Variants in CRPPA observed in about 807,000 individuals in gnomAD.
The protein encoded by CRPPA is D-ribitol-5-phosphate cytidylyltransferase.
CRPPA carries 43 observed loss-of-function variants against 52.0 expected under a neutral mutation model. The ratio of observed to expected loss-of-function variants is 0.83; its 90% CI spans 0.65 to 1.07. The LOEUF (loss-of-function observed/expected upper bound fraction) is 1.07, where lower values mean the gene tolerates loss of function less well. Ranked by LOEUF, CRPPA falls within the 50% of genes least tolerant of loss-of-function variation. The probability of loss-of-function intolerance (pLI) is 0.00; values close to 1 mark genes in which losing one functional copy is unlikely to be tolerated. For synonymous variants in CRPPA, 250 were observed against 203.5 expected (o/e 1.23, Z -1.94); for missense variants, 629 against 551.7 (o/e 1.14, Z -1.40).
At chr7:16,126,460 C>T (rs932283120) in intron 9 of CRPPA, among the ~76,000 whole-genome samples, 5 of 151,996 alleles carry the variant, frequency 3.3e-5, no homozygotes, top group African/African-American at 1.2e-4. Context: ...TAACAACAAT[C>T]AAATGTGTAT....
At chr7:16,092,127 A>T (rs775622167) in intron 9 of CRPPA, among the ~76,000 whole-genome samples, 7 of 152,328 alleles carry the variant, frequency 4.6e-5, no homozygotes, top group Non-Finnish European at 8.8e-5. Context: ...TATTTCATCA[A>T]TGATGCAATC....
chr7:16,309,957 T>A (rs981978929), intron 3 of CRPPA, among the ~76,000 whole-genome samples: 1 of 152,036 alleles, frequency 6.6e-6, no homozygotes, highest in Non-Finnish European at 1.5e-5. Context: ...TAAAATTAAG[T>A]TTAAAAAATC....
At chr7:16,396,067 C>T (rs954103326) in intron 2 of CRPPA, among the ~76,000 whole-genome samples, 4 of 152,104 alleles carry the variant, frequency 2.6e-5, no homozygotes, top group African/African-American at 9.7e-5. Flanking sequence ...ACTGCATTCT[C>T]ACAAGTAAAA....
chr7:16,121,992 T>A (rs1221334835), intron 9 of CRPPA, among the ~76,000 whole-genome samples: 1 of 152,018 alleles, frequency 6.6e-6, no homozygotes, highest in African/African-American at 2.4e-5. Flanking sequence ...TGCTCCAGCA[T>A]TATAATAAAC....
intron 3 of CRPPA, among the ~76,000 whole-genome samples, chr7:16,334,718 T>C (rs1785636527): frequency 6.6e-6 from 1 of 152,102 alleles, no homozygotes; most frequent in Non-Finnish European, 1.5e-5. Context: ...CAGTCAGCAA[T>C]ACTATTTAAC....
chr7:16,241,807 C>A (rs905666780), intron 8 of CRPPA, among the ~76,000 whole-genome samples: 2 of 151,954 alleles, frequency 1.3e-5, no homozygotes, highest in Non-Finnish European at 2.9e-5. Flanking sequence ...ACATATAGTT[C>A]GTTTTTTTCT....
rs566502033 is a variant in CRPPA, at chr7:16,416,092, C to T, written c.257+4974G>A. 5.9e-5 allele frequency among the ~76,000 whole-genome samples: 9 copies of T among 152,278 alleles called. 1 individual carries two copies. In the South Asian group the frequency reaches 1.9e-3, roughly 32 times the overall value. ...AAAGTTTGGGCAAAGAATATCCTTA[C>T]TTATGAGGGGCAAATAAAATGAATT... On this transcript the variant is annotated intron_variant, in intron 1 of 9. Transcript: ENST00000407010.
chr7:16,203,215 G>C (rs1028321673), intron 9 of CRPPA, among the ~76,000 whole-genome samples: 1 of 152,092 alleles, frequency 6.6e-6, no homozygotes, highest in Non-Finnish European at 1.5e-5. Context: ...AAAGAGGAAA[G>C]CTGCCAAAAA....
Position 16,142,800 on chromosome 7 carries a change from G to A in CRPPA, c.1252-51001C>T, listed in dbSNP as rs78502686. On this transcript the variant is annotated intron_variant, in intron 9 of 9. Coordinates refer to ENST00000407010, the MANE Select transcript of CRPPA (RefSeq NM_001101426.4). ...TTTTGCATTTTTAGAACACTAATGC[G>A]TTATAAAATAAATGGCACAAAGAGT... Among the ~76,000 whole-genome samples, 309 of 152,222 alleles carry A rather than the reference G, an allele frequency of 2.0e-3. 1 individual carries two copies. The highest frequency in any genetic ancestry group is 7.0e-3 in the African/African-American group (289 of 41,532).
chr7:16,380,134 G>A (rs1464938629), intron 2 of CRPPA, among the ~76,000 whole-genome samples: 1 of 150,944 alleles, frequency 6.6e-6, no homozygotes, highest in African/African-American at 2.4e-5. Context: ...GTTTGTCAAA[G>A]ACAGCTCTTA....
chr7:16,383,134 T>C (rs1470929353), intron 2 of CRPPA, among the ~76,000 whole-genome samples: 1 of 152,156 alleles, frequency 6.6e-6, no homozygotes, highest in African/African-American at 2.4e-5. Flanking sequence ...TATCTACTTT[T>C]GGTCTTTGAT....
intron 9 of CRPPA, among the ~76,000 whole-genome samples, chr7:16,206,902 G>A (rs1418678492): frequency 6.6e-6 from 1 of 152,104 alleles, no homozygotes; most frequent in African/African-American, 2.4e-5. Flanking sequence ...GTAAGAGGAA[G>A]TTTGAATCTT....
intron 1 of CRPPA, among the ~76,000 whole-genome samples, chr7:16,414,446 C>T (rs745497607): frequency 4.0e-4 from 61 of 151,554 alleles, no homozygotes; most frequent in Non-Finnish European, 8.4e-4. Context: ...AATTAGATTA[C>T]TGGCAGGAAT....
At chr7:16,250,732 C>T (rs909120682) in intron 8 of CRPPA, among the ~76,000 whole-genome samples, 1 of 152,182 alleles carries the variant, frequency 6.6e-6, no homozygotes, top group African/African-American at 2.4e-5. Context: ...AAGCACTAAA[C>T]ATGGAAAGGA....
chr7:16,284,859 C>T (rs904691312), intron 5 of CRPPA, among the ~76,000 whole-genome samples: 1 of 152,044 alleles, frequency 6.6e-6, no homozygotes, highest in Non-Finnish European at 1.5e-5. Context: ...AATGACTGTA[C>T]TTGTACCACG....
chr7:16,398,408 TAA>T (rs1473559650), intron 2 of CRPPA, among the ~76,000 whole-genome samples: 10 of 151,684 alleles, frequency 6.6e-5, no homozygotes, highest in Non-Finnish European at 8.8e-5. Flanking sequence ...GTGACCAACA[TAA>T]GTGATTCACA....
chr7:16,254,792 G>GAAAGAAA (rs1783573898), intron 8 of CRPPA, among the ~76,000 whole-genome samples: 1 of 101,660 alleles, frequency 9.8e-6, no homozygotes, highest in Admixed American at 1.1e-4. Flanking sequence ...AAAGAAAGAA[G>GAAAGAAA]GAAAGAAAGA....
rs1554309913 is a variant in CRPPA at position 16,286,093 on chromosome 7, A to ATAT, written c.836-7868_836-7867insATA. 2.3e-3 allele frequency among the ~76,000 whole-genome samples: 64 copies of ATAT among 27,724 alleles called. 5 individuals carry two copies. Among genetic ancestry groups the ATAT allele is most frequent in the Non-Finnish European group, 3.5e-3 (56 of 15,886 alleles). The allele number at this position is 27,724 out of a possible 152,430, so 18.2% of individuals were successfully genotyped here. A position where few individuals can be genotyped will look rare whatever the true frequency, so the allele number is the denominator to read the frequency against. On this transcript the variant is annotated intron_variant, in intron 5 of 9. Transcript: ENST00000407010. ...TATATATATATATAATATTTAAAAA[A>ATAT]AAAAATATATATATATATATATATG... is the stretch of plus-strand genomic sequence containing the variant.
intron 4 of CRPPA, among the ~76,000 whole-genome samples, chr7:16,306,713 G>C (rs1021792067): frequency 2.6e-5 from 4 of 152,262 alleles, no homozygotes; most frequent in African/African-American, 9.6e-5. Context: ...GAGTTCTAAA[G>C]AAATGTGGGT....
Sources: gnomAD v4.1 joint callset for allele counts (sites outside exome capture counted in the v4.1 genomes callset) on GRCh38, gnomAD v4.1.1 for gene constraint, MANE v1.5 for transcripts, NCBI Gene and HGNC (gene_info 2026-07-23, HGNC 2026-07-21) for gene names.